CCDC85A: variants seen among roughly 807,000 people sequenced by gnomAD.
CCDC85A encodes coiled-coil domain-containing protein 85A.
A neutral mutation model predicts 50.2 loss-of-function variants in CCDC85A; 38 were observed. The observed-to-expected ratio is 0.76, with a 90% CI of 0.58 to 0.99. The LOEUF (loss-of-function observed/expected upper bound fraction) is 0.99. Among genes scored for constraint, CCDC85A ranks in the 50% least tolerant of loss-of-function variants. The pLI, the probability that CCDC85A is intolerant of heterozygous loss-of-function variation, is 0.00. For synonymous variants in CCDC85A, 366 were observed against 301.4 expected, an observed-to-expected ratio of 1.21 and a Z score of -2.22; for missense variants, 820 against 742.0, an observed-to-expected ratio of 1.11 and a Z score of -1.22.
At chr2:56,383,776 T>G (rs1283805038) in intron 5 of CCDC85A, 3 of 977,414 alleles carry the variant, frequency 3.1e-6, no homozygotes, top group Non-Finnish European at 3.6e-6. Context: ...CTCAGCACAT[T>G]AAACACTGAT....
chr2:56,325,009 T>G (rs1188917929), intron 2 of CCDC85A, among the ~76,000 whole-genome samples: 1 of 152,096 alleles, frequency 6.6e-6, no homozygotes, highest in African/African-American at 2.4e-5. Context: ...AAGAGATAAC[T>G]AACATGAAAA....
intron 2 of CCDC85A, among the ~76,000 whole-genome samples, chr2:56,252,325 C>T (rs974688364): frequency 6.6e-5 from 10 of 152,220 alleles, no homozygotes; most frequent in African/African-American, 9.6e-5. Flanking sequence ...GGATTATAGG[C>T]GTGAGCCACT....
intron 3 of CCDC85A, among the ~76,000 whole-genome samples, chr2:56,353,313 T>G (rs1369875876): frequency 6.6e-6 from 1 of 152,240 alleles, no homozygotes; most frequent in Non-Finnish European, 1.5e-5. Context: ...TTTCTTTCTA[T>G]TCTTTATATA....
At chr2:56,274,473 T>C (rs1203625703) in intron 2 of CCDC85A, among the ~76,000 whole-genome samples, 1 of 152,140 alleles carries the variant, frequency 6.6e-6, no homozygotes, top group Non-Finnish European at 1.5e-5. Context: ...AGGGTTTCTG[T>C]GTTGCAGTCT....
At chr2:56,236,724 C>T (rs896876965) in intron 2 of CCDC85A, among the ~76,000 whole-genome samples, 6 of 152,250 alleles carry the variant, frequency 3.9e-5, no homozygotes, top group Non-Finnish European at 8.8e-5. Flanking sequence ...GGAGGCATGA[C>T]GAGAATCCAG....
chr2:56,381,348 G>A (rs1371978729), intron 5 of CCDC85A, among the ~76,000 whole-genome samples: 1 of 152,008 alleles, frequency 6.6e-6, no homozygotes, highest in Admixed American at 6.6e-5. Flanking sequence ...CTCATCTATT[G>A]ACTATGGAAT....
At chr2:56,370,810 T>A (rs1485377884) in intron 3 of CCDC85A, among the ~76,000 whole-genome samples, 2 of 152,058 alleles carry the variant, frequency 1.3e-5, no homozygotes, top group Non-Finnish European at 2.9e-5. Context: ...TAAGAAAGAA[T>A]GAAAGTAGAA....
At chr2:56,374,952 G>A (rs1257734437) in intron 4 of CCDC85A, among the ~76,000 whole-genome samples, 1 of 152,208 alleles carries the variant, frequency 6.6e-6, no homozygotes, top group Non-Finnish European at 1.5e-5. Context: ...CTGTAAATAG[G>A]TTGATAGGCA....
At chr2:56,342,772 G>A (rs909660527) in intron 2 of CCDC85A, 107 bp from the exon 3 acceptor site, 2 of 598,888 alleles carry the variant, frequency 3.3e-6, no homozygotes, top group African/African-American at 1.9e-5. Context: ...TTAAATAACA[G>A]ACTAAATAGT....
At chr2:56,318,219 C>T (rs749083791) in intron 2 of CCDC85A, among the ~76,000 whole-genome samples, 2 of 152,054 alleles carry the variant, frequency 1.3e-5, no homozygotes, top group Admixed American at 6.6e-5. Context: ...AAATACTTTG[C>T]TGTCCTTCCA....
At chr2:56,379,592 C>A (rs1465717840) in intron 5 of CCDC85A, among the ~76,000 whole-genome samples, 2 of 152,126 alleles carry the variant, frequency 1.3e-5, no homozygotes, top group African/African-American at 4.8e-5. Context: ...TCAGAACAAT[C>A]AGCTATTTAA....
At chr2:56,380,312 G>A (rs905618521) in intron 5 of CCDC85A, among the ~76,000 whole-genome samples, 1 of 152,096 alleles carries the variant, frequency 6.6e-6, no homozygotes, top group Non-Finnish European at 1.5e-5. Flanking sequence ...ATATATGTGT[G>A]CTTCATGTCA....
At chr2:56,338,251 AATTATGGTACATTCAAATGC>A (rs1674178249) in intron 2 of CCDC85A, among the ~76,000 whole-genome samples, 3 of 152,164 alleles carry the variant, frequency 2.0e-5, no homozygotes, top group Non-Finnish European at 4.4e-5. Flanking sequence ...GGTCAATTTA[AATTATGGTACATTCAAATGC>A]AGCTTTCTAT....
At chr2:56,284,454 C>A (rs1671340633) in intron 2 of CCDC85A, among the ~76,000 whole-genome samples, 2 of 152,112 alleles carry the variant, frequency 1.3e-5, no homozygotes, top group African/African-American at 4.8e-5. Context: ...CTCACTGCAA[C>A]CTCAGCCTTC....
chr2:56,376,907 C>G (rs997854994), intron 5 of CCDC85A, among the ~76,000 whole-genome samples: 1 of 152,158 alleles, frequency 6.6e-6, no homozygotes, highest in African/African-American at 2.4e-5. Context: ...TTATCATCAG[C>G]CTGGAGATGC....
intron 2 of CCDC85A, among the ~76,000 whole-genome samples, chr2:56,326,421 G>T (rs868800925): frequency 6.6e-6 from 1 of 152,108 alleles, no homozygotes; most frequent in Non-Finnish European, 1.5e-5. Flanking sequence ...TGACTAGTCT[G>T]TTGTTGCCTA....
At chr2:56,229,409 G>A (rs1295863873) in intron 2 of CCDC85A, among the ~76,000 whole-genome samples, 1 of 152,088 alleles carries the variant, frequency 6.6e-6, no homozygotes, top group Non-Finnish European at 1.5e-5. Flanking sequence ...TTTTTAAGGC[G>A]AGACTAGTAA....
chr2:56,328,048 C>T (rs745793237), intron 2 of CCDC85A, among the ~76,000 whole-genome samples: 11 of 152,016 alleles, frequency 7.2e-5, no homozygotes, highest in Non-Finnish European at 1.3e-4. Flanking sequence ...CTAAAAGTTA[C>T]AAACTGGCAG....
intron 2 of CCDC85A, among the ~76,000 whole-genome samples, chr2:56,269,154 C>G (rs1033803080): frequency 1.3e-5 from 2 of 152,150 alleles, no homozygotes; most frequent in African/African-American, 4.8e-5. Flanking sequence ...GGCCACAACA[C>G]AAGGGTAATT....
Sources: gnomAD v4.1 joint callset for allele counts (sites outside exome capture counted in the v4.1 genomes callset) on GRCh38, gnomAD v4.1.1 for gene constraint, MANE v1.5 for transcripts, NCBI Gene and HGNC (gene_info 2026-07-23, HGNC 2026-07-21) for gene names.